The following AP3B1 variants were observed in gnomAD, a reference collection of about 807,000 sequenced individuals.
The protein encoded by AP3B1 is AP-3 complex subunit beta-1.
In AP3B1, 61 loss-of-function variants were observed where a neutral mutation model predicts 132.5. The observed-to-expected ratio is 0.46, with a 90% confidence interval of 0.37 to 0.57. The LOEUF is 0.57. AP3B1 is among the 20% of genes least tolerant of loss of function. AP3B1 has a pLI of 0.00. For missense variants in AP3B1, 1,120 were observed against 1,289.4 expected (o/e 0.87, Z 2.01); for synonymous variants, 388 against 438.3 (o/e 0.89, Z 1.43).
At chr5:78,221,271 A>T (rs2112484271) in intron 6 of AP3B1, among the ~76,000 whole-genome samples, 1 of 152,286 alleles carries the variant, frequency 6.6e-6, no homozygotes, top group South Asian at 2.1e-4. Flanking sequence ...CAAAGAAATA[A>T]GAAGATGCAA....
chr5:78,229,776 T>C (rs1178158887), intron 3 of AP3B1, among the ~76,000 whole-genome samples: 7 of 151,832 alleles, frequency 4.6e-5, no homozygotes, highest in African/African-American at 1.7e-4. Flanking sequence ...AAAAAAGTTA[T>C]ATACTCAAAG....
At chr5:78,058,223 C>T (rs761332962) in intron 22 of AP3B1, among the ~76,000 whole-genome samples, 56 of 152,068 alleles carry the variant, frequency 3.7e-4, no homozygotes, top group Admixed American at 1.8e-3. Flanking sequence ...TATTATAGGC[C>T]GGACGCAGTG....
At chr5:78,097,966 TC>T (rs1219223880) in intron 21 of AP3B1, among the ~76,000 whole-genome samples, 2 of 152,180 alleles carry the variant, frequency 1.3e-5, no homozygotes, top group Admixed American at 6.5e-5. Flanking sequence ...ATCCTGTTGA[TC>T]CTGTGACCTT....
At chr5:78,132,459 TG>T (rs1452955741) in intron 15 of AP3B1, among the ~76,000 whole-genome samples, 17 of 152,220 alleles carry the variant, frequency 1.1e-4, no homozygotes, top group African/African-American at 3.9e-4. Context: ...ACTGATTTTC[TG>T]TTTGAAAACC....
At chr5:78,090,057 T>C (rs1750444232) in intron 21 of AP3B1, among the ~76,000 whole-genome samples, 3 of 152,198 alleles carry the variant, frequency 2.0e-5, no homozygotes, top group African/African-American at 7.2e-5. Flanking sequence ...TTGGAAATCT[T>C]CTAAAAATGC....
chr5:78,271,113 C>T (rs1025198622), intron 1 of AP3B1, among the ~76,000 whole-genome samples: 1 of 152,110 alleles, frequency 6.6e-6, no homozygotes, highest in African/African-American at 2.4e-5. Flanking sequence ...AGTGTCTTTA[C>T]CTGCTCACCC....
At chr5:78,080,697 CTTTAAAAAT>C (rs1421097340) in intron 22 of AP3B1, among the ~76,000 whole-genome samples, 1 of 146,462 alleles carries the variant, frequency 6.8e-6, no homozygotes, top group Non-Finnish European at 1.5e-5. Context: ...CTTTTCACCA[CTTTAAAAAT>C]TTTAAAAATA....
At chr5:78,108,723 A>C (rs1751447093) in intron 20 of AP3B1, among the ~76,000 whole-genome samples, 2 of 152,186 alleles carry the variant, frequency 1.3e-5, no homozygotes. Context: ...GAAGAAACAA[A>C]CAGAATCACT....
At chr5:78,090,960 A>ATT (rs1485944726) in intron 21 of AP3B1, among the ~76,000 whole-genome samples, 74 of 144,754 alleles carry the variant, frequency 5.1e-4, no homozygotes, top group Middle Eastern at 3.5e-3. Flanking sequence ...TTTTTATTTT[A>ATT]TTTTTTTTTA....
At chr5:78,045,757 T>C (rs1467436008) in intron 22 of AP3B1, among the ~76,000 whole-genome samples, 2 of 152,094 alleles carry the variant, frequency 1.3e-5, no homozygotes, top group East Asian at 3.8e-4. Context: ...TTTTATTAGA[T>C]GCAAAAAAAG....
At chr5:78,241,314 C>A (rs1747127830) in intron 2 of AP3B1, among the ~76,000 whole-genome samples, 1 of 152,054 alleles carries the variant, frequency 6.6e-6, no homozygotes, top group Non-Finnish European at 1.5e-5. Flanking sequence ...TCCCCCACCT[C>A]AGCTTCAGCT....
chr5:78,186,321 A>C (rs1354195909), intron 7 of AP3B1, among the ~76,000 whole-genome samples: 1 of 152,240 alleles, frequency 6.6e-6, no homozygotes, highest in Non-Finnish European at 1.5e-5. Flanking sequence ...GACAAAATGG[A>C]TAATCTACAA....
At chr5:78,082,884 T>G (rs1266923680) in intron 22 of AP3B1, among the ~76,000 whole-genome samples, 2 of 152,016 alleles carry the variant, frequency 1.3e-5, no homozygotes, top group Admixed American at 1.3e-4. Context: ...GGCGCGATCT[T>G]GGCTCACTGC....
chr5:78,093,063 T>C (rs1226828462), intron 21 of AP3B1, among the ~76,000 whole-genome samples: 1 of 152,212 alleles, frequency 6.6e-6, no homozygotes, highest in Non-Finnish European at 1.5e-5. Context: ...ATATTTACAA[T>C]GATGAATGTT....
At chr5:78,189,286 G>A (rs1456786421) in intron 7 of AP3B1, among the ~76,000 whole-genome samples, 19 of 151,900 alleles carry the variant, frequency 1.3e-4, no homozygotes, top group Admixed American at 2.0e-4. Context: ...TGTTTCTATA[G>A]TGTCCTCTAT....
At chr5:78,204,757 C>G (rs1373427799) in intron 7 of AP3B1, among the ~76,000 whole-genome samples, 1 of 152,218 alleles carries the variant, frequency 6.6e-6, no homozygotes, top group East Asian at 1.9e-4. Flanking sequence ...AGAATCTACT[C>G]TGTTCCATCC....
chr5:78,270,305 CTT>C (rs1282632501), intron 1 of AP3B1, among the ~76,000 whole-genome samples: 1 of 152,090 alleles, frequency 6.6e-6, no homozygotes, highest in African/African-American at 2.4e-5. Context: ...AAAGAAAGGA[CTT>C]TTACCATTTG....
At chr5:78,254,108 GAAGA>G (rs1246106582) in intron 2 of AP3B1, among the ~76,000 whole-genome samples, 8 of 151,718 alleles carry the variant, frequency 5.3e-5, no homozygotes, top group African/African-American at 1.9e-4. Flanking sequence ...TGATCAAGCA[GAAGA>G]AAGAATTCAT....
intron 22 of AP3B1, among the ~76,000 whole-genome samples, chr5:78,045,356 G>A (rs973340488): frequency 4.7e-5 from 7 of 149,966 alleles, no homozygotes; most frequent in Non-Finnish European, 1.0e-4. Flanking sequence ...CCTCAAGTCT[G>A]GGTGATGAAG....
Sources: allele counts gnomAD v4.1 joint callset (sites outside exome capture counted in the v4.1 genomes callset), GRCh38; gene constraint gnomAD v4.1.1; transcripts MANE v1.5; gene names NCBI Gene and HGNC (gene_info 2026-07-23, HGNC 2026-07-21).